SAP25: variants seen among roughly 807,000 people sequenced by gnomAD.
The protein encoded by SAP25 is histone deacetylase complex subunit SAP25.
SAP25 carries 24 observed loss-of-function variants against 31.5 expected under a neutral mutation model. The ratio of observed to expected loss-of-function variants is 0.76; its 90% CI spans 0.55 to 1.07. SAP25 has a LOEUF of 1.07. SAP25 is among the 50% of genes least tolerant of loss of function. SAP25 has a pLI of 0.00. For missense variants in SAP25, 377 were observed against 418.8 expected, an observed-to-expected ratio of 0.90 and a Z score of 0.87; for synonymous variants, 180 against 186.0, an observed-to-expected ratio of 0.97 and a Z score of 0.26.
In SAP25 at chr7:100,573,659, C is replaced by G. The variant is rs1801227436; in HGVS notation, c.84G>C (p.Gln28His). The change falls in exon 1 of 6, where the codon CAG becomes CAC. Residue 28 changes from glutamine to histidine, a missense_variant. Physicochemically the swap from Gln to His is conservative, Grantham distance 24 (BLOSUM62 0). Transcript: ENST00000622764. ...EGPGLPAGKDQGEPWSAGADA... is the reference protein window; with the variant it reads ...EGPGLPAGKDHGEPWSAGADA... ...CCGCTCCGGCGCTCCAGGGCTCGCC[C>G]TGGTCCTTGCCCGCCGGAAGGCCTG... 3 of 1,230,872 alleles carry G rather than the reference C, an allele frequency of 2.4e-6. No homozygotes were observed. In the South Asian group the frequency reaches 1.2e-4, roughly 51 times the overall value. 76.2% of individuals were successfully genotyped at this position (1,230,872 alleles called of 1,614,324 possible). A position where few individuals can be genotyped will look rare whatever the true frequency, so the allele number is the denominator to read the frequency against.
chr7:100,573,535 C>T (rs2131141242), intron 1 of SAP25, 62 bp downstream of exon 1: 4 of 1,225,978 alleles, frequency 3.3e-6, no homozygotes, highest in Non-Finnish European at 4.1e-6. Context: ...CCGTAGAGCG[C>T]GTGGTGAAGG....
rs1041622396 is a variant in SAP25, at chr7:100,573,784, C to CGCCCG, written c.-47_-43dup. ...CAGGACGGTACCGCCGTGTCCCCGC[C>CGCCCG]GCCCGGCCCGGCCCTCTCAGCCTCC... On this transcript the variant is annotated 5_prime_UTR_variant, in exon 1 of 6. Transcript: ENST00000622764. 60 of 1,178,454 alleles carry CGCCCG rather than the reference C, an allele frequency of 5.1e-5. No individual in the cohort carries two copies. Among genetic ancestry groups the CGCCCG allele is most frequent in the East Asian group, 4.2e-4 (11 of 26,102 alleles). 73.0% of individuals were successfully genotyped at this position (1,178,454 alleles called of 1,614,324 possible).
chr7:100,572,784 C>G lies in SAP25; in HGVS notation c.512-33G>C. 1 of 1,515,916 alleles carries G rather than the reference C, an allele frequency of 6.6e-7. No individual in the cohort carries two copies. The highest frequency in any genetic ancestry group is 8.8e-7 in the Non-Finnish European group (1 of 1,137,802). The allele number at this position is 1,515,916 out of a possible 1,614,324, so 93.9% of individuals were successfully genotyped here. A position where few individuals can be genotyped will look rare whatever the true frequency, so the allele number is the denominator to read the frequency against. On this transcript the variant is annotated intron_variant, in intron 4 of 5. Coordinates refer to ENST00000622764, the MANE Select transcript of SAP25 (RefSeq NM_001348680.2). The surrounding 1 kb of genome is among the most constrained non-coding windows in gnomAD (Gnocchi z 4.1). ...GAAACACCACTAGGGTGGCGGGCTG[C>G]GGGCTCCCACCCCTGGGCACTGGTT...
intron 1 of SAP25, 33 bp downstream of exon 1, chr7:100,573,564 C>T (rs1801220213): frequency 2.4e-6 from 3 of 1,234,284 alleles, no homozygotes; most frequent in African/African-American, 1.6e-5. Flanking sequence ...CCCCCAGTCG[C>T]TGTCCCCCCA....
rs1801209990 is a variant in SAP25 at position 100,573,383 on chromosome 7, C to T, written c.164G>A (p.Arg55His). 1 of 1,361,338 alleles carries T rather than the reference C, an allele frequency of 7.3e-7. No individual in the cohort carries two copies. The highest frequency in any genetic ancestry group is 9.5e-7 in the Non-Finnish European group (1 of 1,055,420). 84.3% of individuals were successfully genotyped at this position (1,361,338 alleles called of 1,614,324 possible). The change falls in exon 2 of 6, where the codon CGT becomes CAT. Residue 55 changes from arginine (R) to histidine (H), a missense_variant. By Grantham distance (29) the Arg-to-His change is conservative. Transcript: ENST00000622764. ...CTCTCTCCAGATCCAGGAAGGGCTA[C>T]GGGATGGGGGCTGTGGGCTGGAGGG... Reference protein sequence around the residue: ...PPWDSPQPPSRSPSWIWREQL... With the variant: ...PPWDSPQPPSHSPSWIWREQL...
At position 100,572,830 on chromosome 7, in the gene SAP25, C is replaced by A; in HGVS notation, c.511+30G>T. 6.7e-7 allele frequency: 1 copy of A among 1,484,870 alleles called. No individual in the cohort carries two copies. The highest frequency in any genetic ancestry group is 8.9e-7 in the Non-Finnish European group (1 of 1,123,210). 92.0% of individuals were successfully genotyped at this position (1,484,870 alleles called of 1,614,324 possible). A position where few individuals can be genotyped will look rare whatever the true frequency, so the allele number is the denominator to read the frequency against. On this transcript the variant is annotated intron_variant, in intron 4 of 5. Transcript: ENST00000622764. The surrounding 1 kb of genome is among the most constrained non-coding windows in gnomAD (Gnocchi z 4.1). ...TGGTTCCCAGAGGAGTTGGGGCAGC[C>A]TTGCGCCCCCGGGGGACCAAGGGAG...
rs1275892868 is a variant in SAP25, at chr7:100,573,011, C to T, written c.360G>A (p.Gly120=). Reference sequence around the variant, plus strand: ...ACGAGGCTCCTGAGCTACAGTTGGCCCCCTAGGGTGAGGAGGACAGAGCAC... The same window carrying T: ...ACGAGGCTCCTGAGCTACAGTTGGCTCCCTAGGGTGAGGAGGACAGAGCAC... ...EAKAGPRPVW[G]ANCSSGASFS... The change falls in exon 4 of 6, where the codon GGG becomes GGA. Residue 120 remains glycine, a splice_region_variant and synonymous_variant. Transcript: ENST00000622764. The T allele has an allele frequency of 6.7e-7, 1 of 1,488,050 alleles. No individual in the cohort carries two copies. Among genetic ancestry groups the T allele is most frequent in the East Asian group, 2.5e-5 (1 of 40,486 alleles). The allele number at this position is 1,488,050 out of a possible 1,614,324, so 92.2% of individuals were successfully genotyped here.
chr7:100,573,748 G>A lies in SAP25; in HGVS notation c.-6C>T, dbSNP rs1801232534. On this transcript the variant is annotated 5_prime_UTR_variant, in exon 1 of 6. It adds an upstream start codon to the 5' untranslated region. Transcript: ENST00000622764. ...GGCGGCGACCAGGGCAACATTCCGC[G>A]TTCCCGAGCGCAGGACGGTACCGCC... 34 of 1,214,000 alleles carry A rather than the reference G, an allele frequency of 2.8e-5. No individual in the cohort carries two copies. In the South Asian group the frequency reaches 1.1e-3, roughly 38 times the overall value. 75.2% of individuals were successfully genotyped at this position (1,214,000 alleles called of 1,614,324 possible). A position where few individuals can be genotyped will look rare whatever the true frequency, so the allele number is the denominator to read the frequency against.
chr7:100,573,033 G>C lies in SAP25; in HGVS notation c.358-20C>G, dbSNP rs542184485. 228 of 1,496,290 alleles carry C rather than the reference G, an allele frequency of 1.5e-4. No homozygotes were observed. Among genetic ancestry groups the C allele is most frequent in the Non-Finnish European group, 1.9e-4 (217 of 1,125,272 alleles). The allele number at this position is 1,496,290 out of a possible 1,614,324, so 92.7% of individuals were successfully genotyped here. ...GGCCCCCTAGGGTGAGGAGGACAGA[G>C]CACTGGAGCCTCAGGCCACCGCACA... On this transcript the variant is annotated intron_variant, in intron 3 of 5. Transcript: ENST00000622764.
At position 100,572,945 on chromosome 7, in the gene SAP25, C is replaced by T; in HGVS notation, c.426G>A (p.Leu142=). The T allele has an allele frequency of 6.6e-7, 1 of 1,508,532 alleles. No individual in the cohort carries two copies. The highest frequency in any genetic ancestry group is 1.2e-5 in the South Asian group (1 of 80,556). The allele number at this position is 1,508,532 out of a possible 1,614,324, so 93.4% of individuals were successfully genotyped here. The change falls in exon 4 of 6, where the codon CTG becomes CTA. Residue 142 remains leucine, a synonymous_variant. Coordinates refer to ENST00000622764, the MANE Select transcript of SAP25 (RefSeq NM_001348680.2). This position sits in a 1 kb window ranked among gnomAD's most constrained non-coding sequence, Gnocchi z 4.1. ...RTLCHPSFWP[L]YEAASGRGLR... The stretch of plus-strand genomic sequence containing the variant: ...GACCCCTGCCCGAGGCTGCTTCATA[C>T]AGCGGCCAGAATGAGGGGTGACACA...
intron 1 of SAP25, 77 bp downstream of exon 1, chr7:100,573,520 A>C (rs1461723534): frequency 1.7e-5 from 21 of 1,221,732 alleles, no homozygotes; most frequent in Non-Finnish European, 2.1e-5. Flanking sequence ...ACAATGGAGA[A>C]GCCTCCGTAG....
Position 100,573,582 on chromosome 7 carries a change from G to C in SAP25, c.146+15C>G. ...CCAGTCGCTGTCCCCCCACGGCTCC[G>C]TCCGAGCCCCTCACCTGTCCCATGG... On this transcript the variant is annotated intron_variant, in intron 1 of 5. Coordinates refer to ENST00000622764, the MANE Select transcript of SAP25 (RefSeq NM_001348680.2). 1 of 1,233,734 alleles carries C rather than the reference G, an allele frequency of 8.1e-7. No homozygotes were observed. The highest frequency in any genetic ancestry group is 1.0e-6 in the Non-Finnish European group (1 of 989,058). 76.4% of individuals were successfully genotyped at this position (1,233,734 alleles called of 1,614,324 possible). A position where few individuals can be genotyped will look rare whatever the true frequency, so the allele number is the denominator to read the frequency against.
Position 100,572,756 on chromosome 7 carries a change from G to C in SAP25, c.512-5C>G, listed in dbSNP as rs1396696977. On this transcript the variant is annotated splice_polypyrimidine_tract_variant and splice_region_variant and intron_variant, in intron 4 of 5. Coordinates refer to ENST00000622764, the MANE Select transcript of SAP25 (RefSeq NM_001348680.2). The surrounding 1 kb of genome is among the most constrained non-coding windows in gnomAD (Gnocchi z 4.1). Reference sequence around the variant, plus strand: ...CACAGCACACCACCGGGAACCCTAGGAGGAAACACCACTAGGGTGGCGGGC... The same window carrying C: ...CACAGCACACCACCGGGAACCCTAGCAGGAAACACCACTAGGGTGGCGGGC... 2 of 1,530,716 alleles carry C rather than the reference G, an allele frequency of 1.3e-6. No individual in the cohort carries two copies. The highest frequency in any genetic ancestry group is 1.7e-6 in the Non-Finnish European group (2 of 1,144,360). The allele number at this position is 1,530,716 out of a possible 1,614,324, so 94.8% of individuals were successfully genotyped here. A position where few individuals can be genotyped will look rare whatever the true frequency, so the allele number is the denominator to read the frequency against.
Position 100,572,387 on chromosome 7 carries a change from G to C in SAP25, c.794C>G (p.Pro265Arg), listed in dbSNP as rs546012665. The C allele has an allele frequency of 3.5e-4, 489 of 1,409,470 alleles. 2 individuals carry two copies. In the East Asian group the frequency reaches 9.5e-3, roughly 27 times the overall value. 87.3% of individuals were successfully genotyped at this position (1,409,470 alleles called of 1,614,324 possible). A position where few individuals can be genotyped will look rare whatever the true frequency, so the allele number is the denominator to read the frequency against. Residue 265 changes from proline to arginine, a missense_variant, in exon 6 of 6, where the codon CCA becomes CGA. Physicochemically the swap from Pro to Arg is moderately radical, Grantham distance 103 (BLOSUM62 -2). Transcript: ENST00000622764. This position sits in a 1 kb window ranked among gnomAD's most constrained non-coding sequence, Gnocchi z 4.1. ...GCTGGGTGGGTCAGAGGTATGGTCT[G>C]GGGGGCCAACCGCGGAGGAGCTGGG... ...PRPSSSAVGP[P>R]DHTSDPPSPC...
Position 100,572,237 on chromosome 7 carries a change from C to T in SAP25, c.*50G>A. 1 of 1,247,640 alleles carries T rather than the reference C, an allele frequency of 8.0e-7. No homozygotes were observed. Among genetic ancestry groups the T allele is most frequent in the Non-Finnish European group, 1.0e-6 (1 of 994,128 alleles). 77.3% of individuals were successfully genotyped at this position (1,247,640 alleles called of 1,614,324 possible). ...AGCCACACGGAGCCTGTTTTGCAAA[C>T]CAACACTGTTTTATTGTCAACACAA... On this transcript the variant is annotated 3_prime_UTR_variant, in exon 6 of 6. Coordinates refer to ENST00000622764, the MANE Select transcript of SAP25 (RefSeq NM_001348680.2). The surrounding 1 kb of genome is among the most constrained non-coding windows in gnomAD (Gnocchi z 4.1).
At position 100,573,593 on chromosome 7, in the gene SAP25, T is replaced by C; in HGVS notation, c.146+4A>G. On this transcript the variant is annotated splice_donor_region_variant and intron_variant, in intron 1 of 5. Coordinates refer to ENST00000622764, the MANE Select transcript of SAP25 (RefSeq NM_001348680.2). ...CCCCCCACGGCTCCGTCCGAGCCCC[T>C]CACCTGTCCCATGGGGGTGTCCCCA... The C allele has an allele frequency of 8.1e-7, 1 of 1,232,778 alleles. No individual in the cohort carries two copies. The highest frequency in any genetic ancestry group is 1.0e-6 in the Non-Finnish European group (1 of 988,568). 76.4% of individuals were successfully genotyped at this position (1,232,778 alleles called of 1,614,324 possible). A position where few individuals can be genotyped will look rare whatever the true frequency, so the allele number is the denominator to read the frequency against.
rs1291583907 is a variant in SAP25, at chr7:100,573,285, G to C, written c.250+12C>G. The C allele has an allele frequency of 7.1e-7, 1 of 1,411,686 alleles. No individual in the cohort carries two copies. The highest frequency in any genetic ancestry group is 1.4e-5 in the African/African-American group (1 of 69,132). The allele number at this position is 1,411,686 out of a possible 1,614,324, so 87.4% of individuals were successfully genotyped here. A position where few individuals can be genotyped will look rare whatever the true frequency, so the allele number is the denominator to read the frequency against. Reference sequence around the variant, plus strand: ...CTCTTAGGGGTAGTAGAGGCAGCAGGGCCTGTCCTACCTGGGGCTCCGGGG... The same window carrying C: ...CTCTTAGGGGTAGTAGAGGCAGCAGCGCCTGTCCTACCTGGGGCTCCGGGG... On this transcript the variant is annotated intron_variant, in intron 2 of 5. Coordinates refer to ENST00000622764, the MANE Select transcript of SAP25 (RefSeq NM_001348680.2).
Position 100,572,685 on chromosome 7 carries a change from A to C in SAP25, c.578T>G (p.Val193Gly), listed in dbSNP as rs1801174388. The change falls in exon 5 of 6, where the codon GTT becomes GGT. Residue 193 changes from valine (V) to glycine (G), a missense_variant. Physicochemically the swap from Val to Gly is moderately radical, Grantham distance 109. Coordinates refer to ENST00000622764, the MANE Select transcript of SAP25 (RefSeq NM_001348680.2). This position sits in a 1 kb window ranked among gnomAD's most constrained non-coding sequence, Gnocchi z 4.1. ...SDPLLPRGQR[V>G]PLYLSKAPQQ... The stretch of plus-strand genomic sequence containing the variant: ...GGGGGCCTTGGACAGGTACAGGGGA[A>C]CACGCTGCCCCCGGGGCAGCAGAGG... 6.5e-7 allele frequency: 1 copy of C among 1,535,830 alleles called. No individual in the cohort carries two copies. Among genetic ancestry groups the C allele is most frequent in the Non-Finnish European group, 8.7e-7 (1 of 1,146,354 alleles).
Position 100,572,515 on chromosome 7 carries a change from G to C in SAP25, c.666C>G (p.Leu222=). ...PPPPIMSARV[L]PRPSPSRGPS... ...GGCCCCGGGAGGGTGATGGGCGGGGGAGCACCCTGGCAGACATGATGGGGG... is the reference window on the plus strand; with the variant it reads ...GGCCCCGGGAGGGTGATGGGCGGGGCAGCACCCTGGCAGACATGATGGGGG... The change falls in exon 6 of 6, where the codon CTC becomes CTG. Residue 222 remains leucine, a synonymous_variant. Transcript: ENST00000622764. This position sits in a 1 kb window ranked among gnomAD's most constrained non-coding sequence, Gnocchi z 4.1. 3.5e-6 allele frequency: 5 copies of C among 1,436,180 alleles called. No homozygotes were observed. The highest frequency in any genetic ancestry group is 4.6e-6 in the Non-Finnish European group (5 of 1,097,680). The allele number at this position is 1,436,180 out of a possible 1,614,324, so 89.0% of individuals were successfully genotyped here.
Sources: allele counts gnomAD v4.1 joint callset, GRCh38; gene constraint gnomAD v4.1.1; non-coding constraint Gnocchi (gnomAD v3.1); transcripts MANE v1.5; gene names NCBI Gene and HGNC (gene_info 2026-07-23, HGNC 2026-07-21).